IL18BP: variants seen among roughly 807,000 people sequenced by gnomAD.
IL18BP encodes the protein interleukin-18-binding protein.
IL18BP carries 23 observed loss-of-function variants against 19.9 expected under a neutral mutation model. The ratio of observed to expected loss-of-function variants is 1.15; its 90% CI spans 0.83 to 1.64. The LOEUF is 1.64. Among genes scored for constraint, IL18BP ranks in the 40% most tolerant of loss-of-function variants. IL18BP has a pLI of 0.00. For missense variants in IL18BP, 239 were observed against 240.7 expected (o/e 0.99, Z 0.05); for synonymous variants, 107 against 101.0 (o/e 1.06, Z -0.35).
At chr11:72,000,927 G>C (rs561010285) in intron 3 of IL18BP, among the ~76,000 whole-genome samples, 1 of 152,276 alleles carries the variant, frequency 6.6e-6, no homozygotes, top group African/African-American at 2.4e-5. Context: ...ACCGAGGCTG[G>C]GCACTAGAAA....
downstream of IL18BP, chr11:72,004,519 G>A: frequency 7.9e-7 from 1 of 1,268,536 alleles, no homozygotes; most frequent in Non-Finnish European, 1.1e-6. Context: ...TCAGGCCCTT[G>A]GAGAGAGGGA....
chr11:72,007,074 G>GT (rs1329730004), downstream of IL18BP: 3 of 1,294,140 alleles, frequency 2.3e-6, no homozygotes, highest in East Asian at 7.0e-5. Flanking sequence ...CTTTCCCACT[G>GT]TAACATGGAC....
At chr11:72,001,649 A>G in intron 5 of IL18BP, 97 bp downstream of exon 5, 1 of 1,598,776 alleles carries the variant, frequency 6.3e-7, no homozygotes, top group Non-Finnish European at 8.5e-7. Context: ...CCTGTGAACT[A>G]ATGCCCAGCA....
chr11:72,007,402 G>A (rs986769484), downstream of IL18BP: 32 of 1,613,754 alleles, frequency 2.0e-5, no homozygotes, highest in Middle Eastern at 3.3e-4. Context: ...CTCCAGGGAC[G>A]CTGGTGCCGT....
At position 72,001,921 on chromosome 11, in the gene IL18BP, A is replaced by T. The variant is rs986339141; in HGVS notation, c.*60A>T. 1 of 1,608,438 alleles carries T rather than the reference A, an allele frequency of 6.2e-7. No individual in the cohort carries two copies. Among genetic ancestry groups the T allele is most frequent in the South Asian group, 1.1e-5 (1 of 90,426 alleles). ...ACCAGAGCTTGGGTCCTACCTGTCT[A>T]CCTGGAGTGAACAGTCCCTGACTGC... On this transcript the variant is annotated 3_prime_UTR_variant, in exon 6 of 6. Transcript: ENST00000393703.
rs200882128 is a variant in IL18BP at position 71,999,954 on chromosome 11, G to A, written c.-31G>A. The A allele has an allele frequency of 4.9e-5, 79 of 1,613,194 alleles. No individual in the cohort carries two copies. The highest frequency in any genetic ancestry group is 5.9e-5 in the Non-Finnish European group (70 of 1,179,434). The stretch of plus-strand genomic sequence containing the variant: ...AAGAGGACGTTGTCACAGATAAAGA[G>A]CCAGGCTCACCAGCTCCTGACGCAT... On this transcript the variant is annotated 5_prime_UTR_variant, in exon 2 of 6. Coordinates refer to ENST00000393703, the MANE Select transcript of IL18BP (RefSeq NM_001039660.2).
chr11:72,007,704 G>A (rs1007695206), downstream of IL18BP: 29 of 509,900 alleles, frequency 5.7e-5, 1 homozygote, highest in South Asian at 3.1e-4. Flanking sequence ...CTGCTTCACA[G>A]CAAACACGTC....
intron 5 of IL18BP, 106 bp downstream of exon 5, chr11:72,001,658 CA>C (rs768148664): frequency 1.8e-4 from 293 of 1,602,720 alleles, no homozygotes; most frequent in Non-Finnish European, 2.3e-4. Context: ...TAATGCCCAG[CA>C]TTCCTCAAGG....
chr11:72,005,930 A>C (rs923813826), downstream of IL18BP: 1 of 955,106 alleles, frequency 1.0e-6, no homozygotes, highest in Non-Finnish European at 1.6e-6. Context: ...GATGGTAGCA[A>C]GGAGGCCAGC....
chr11:72,006,945 C>CA, downstream of IL18BP, among the ~76,000 whole-genome samples: 2 of 152,376 alleles, frequency 1.3e-5, no homozygotes, highest in East Asian at 1.9e-4. Flanking sequence ...TGCACAGGCT[C>CA]AGTGCTACGC....
At position 72,002,534 on chromosome 11, in the gene IL18BP, C is replaced by T. The variant is rs1336800852; in HGVS notation, c.*673C>T. On this transcript the variant is annotated 3_prime_UTR_variant, in exon 6 of 6. Coordinates refer to ENST00000393703, the MANE Select transcript of IL18BP (RefSeq NM_001039660.2). ...TAAAGGATTATTCAATGGAGGCATCCTGACATCTGTTCATTTAGGCTTCAG... is the reference window on the plus strand; with the variant it reads ...TAAAGGATTATTCAATGGAGGCATCTTGACATCTGTTCATTTAGGCTTCAG... 3 of 153,338 alleles carry T rather than the reference C, an allele frequency of 2.0e-5. No homozygotes were observed. Among genetic ancestry groups the T allele is most frequent in the Non-Finnish European group, 2.9e-5 (2 of 68,756 alleles). 9.5% of individuals were successfully genotyped at this position (153,338 alleles called of 1,614,324 possible).
rs1221001250 is a variant in IL18BP at position 72,002,261 on chromosome 11, T to C, written c.*400T>C. 8.9e-6 allele frequency: 2 copies of C among 225,636 alleles called. No homozygotes were observed. Among genetic ancestry groups the C allele is most frequent in the Non-Finnish European group, 8.7e-6 (1 of 114,542 alleles). The allele number at this position is 225,636 out of a possible 1,614,324, so 14.0% of individuals were successfully genotyped here. On this transcript the variant is annotated 3_prime_UTR_variant, in exon 6 of 6. Transcript: ENST00000393703. ...TTTTCCCAGACAGCTCCCACTCCCATGTCTCTGCTCATTTAGTCCCGTCTT... is the reference window on the plus strand; with the variant it reads ...TTTTCCCAGACAGCTCCCACTCCCACGTCTCTGCTCATTTAGTCCCGTCTT...
intron 2 of IL18BP, 116 bp downstream of exon 2, chr11:72,000,128 G>T (rs1314154324): frequency 2.6e-6 from 3 of 1,149,822 alleles, no homozygotes; most frequent in African/African-American, 3.1e-5. Context: ...CGCACCTGGT[G>T]CTGTTGCTTT....
chr11:72,006,121 G>A (rs1377328408), downstream of IL18BP: 2 of 1,614,168 alleles, frequency 1.2e-6, no homozygotes, highest in South Asian at 1.1e-5. Flanking sequence ...GCTGAGCAGG[G>A]CTGAGTTGCC....
chr11:72,004,870 G>C, downstream of IL18BP: 3 of 1,490,328 alleles, frequency 2.0e-6, no homozygotes, highest in Admixed American at 4.5e-5. Flanking sequence ...AGATGGAGGA[G>C]GACCTGGGGC....
At chr11:72,003,543 AAG>A (rs1470065870), downstream of IL18BP, 3 of 1,614,164 alleles carry the variant, frequency 1.9e-6, no homozygotes, top group Admixed American at 1.7e-5. Context: ...CTTTGCCTGA[AAG>A]AGACACAGTC....
downstream of IL18BP, chr11:72,003,818 G>T: frequency 6.6e-7 from 1 of 1,513,400 alleles, no homozygotes; most frequent in Non-Finnish European, 9.1e-7. Context: ...GATGCTACTT[G>T]GTGGGGCGGT....
At chr11:72,007,952 G>A (rs1049622899), downstream of IL18BP, 3 of 376,090 alleles carry the variant, frequency 8.0e-6, no homozygotes, top group Non-Finnish European at 1.6e-5. Context: ...ACTGACAGAG[G>A]AAGATGAGTG....
At chr11:72,006,904 T>G (rs1167774556), downstream of IL18BP, among the ~76,000 whole-genome samples, 1 of 152,250 alleles carries the variant, frequency 6.6e-6, no homozygotes, top group African/African-American at 2.4e-5. Context: ...CAGGATGGGC[T>G]GCAGCTTCGC....
Sources: gnomAD v4.1 joint callset for allele counts (sites outside exome capture counted in the v4.1 genomes callset) on GRCh38, gnomAD v4.1.1 for gene constraint, MANE v1.5 for transcripts, NCBI Gene and HGNC (gene_info 2026-07-23, HGNC 2026-07-21) for gene names.